LSAMP: variants seen among roughly 807,000 people sequenced by gnomAD.
The protein encoded by LSAMP is limbic system-associated membrane protein.
Under a neutral mutation model 38.6 loss-of-function variants are expected in LSAMP, and 7 were observed. The ratio of observed to expected loss-of-function variants is 0.18; its 90% CI spans 0.10 to 0.34. The LOEUF (loss-of-function observed/expected upper bound fraction) is 0.34, where lower values mean the gene tolerates loss of function less well. LSAMP is among the 10% of genes least tolerant of loss of function. LSAMP has a pLI of 1.00. For missense variants in LSAMP, 313 were observed against 420.0 expected (o/e 0.75, Z 2.23); for synonymous variants, 154 against 166.8 (o/e 0.92, Z 0.59).
chr3:115,842,164 A>G (rs978084989), intron 5 of LSAMP, among the ~76,000 whole-genome samples, 171 bp from the exon 6 acceptor site: 1 of 152,218 alleles, frequency 6.6e-6, no homozygotes, highest in Non-Finnish European at 1.5e-5. Context: ...ATCAGAATCA[A>G]TGTCCATCAA....
intron 1 of LSAMP, among the ~76,000 whole-genome samples, chr3:116,105,830 T>C (rs1708453340): frequency 6.6e-6 from 1 of 151,760 alleles, no homozygotes; most frequent in African/African-American, 2.4e-5. Flanking sequence ...TAAAACAAAA[T>C]AGTGTTGAAG....
intron 1 of LSAMP, among the ~76,000 whole-genome samples, chr3:116,280,138 T>C (rs1394267178): frequency 4.6e-5 from 7 of 152,182 alleles, no homozygotes; most frequent in Non-Finnish European, 1.0e-4. Flanking sequence ...ATTTACACCA[T>C]GAAGACAAAA....
chr3:115,856,924 A>C (rs939348147), intron 3 of LSAMP, among the ~76,000 whole-genome samples: 2 of 152,240 alleles, frequency 1.3e-5, no homozygotes, highest in African/African-American at 4.8e-5. Flanking sequence ...CACTTCATGT[A>C]GTTTAAGAGA....
intron 1 of LSAMP, among the ~76,000 whole-genome samples, chr3:116,354,290 T>C (rs2048188931): frequency 6.6e-6 from 1 of 152,134 alleles, no homozygotes; most frequent in African/African-American, 2.4e-5. Context: ...GGTCAGACAC[T>C]TCTATGCAAA....
chr3:116,090,570 A>G (rs1380320844), intron 1 of LSAMP, among the ~76,000 whole-genome samples: 1 of 152,178 alleles, frequency 6.6e-6, no homozygotes, highest in South Asian at 2.1e-4. Context: ...CTTTATACTT[A>G]ATGATTTTGT....
At chr3:116,095,182 T>C (rs973238994) in intron 1 of LSAMP, among the ~76,000 whole-genome samples, 1 of 152,210 alleles carries the variant, frequency 6.6e-6, no homozygotes, top group African/African-American at 2.4e-5. Context: ...GTTATTCACA[T>C]GTGCTCTACT....
intron 2 of LSAMP, among the ~76,000 whole-genome samples, chr3:116,052,476 A>G (rs1941414158): frequency 6.6e-6 from 1 of 152,208 alleles, no homozygotes; most frequent in South Asian, 2.1e-4. Context: ...TATAAAATTT[A>G]TATTTTTAAT....
chr3:115,896,223 A>G (rs1032927966), intron 3 of LSAMP, among the ~76,000 whole-genome samples: 1 of 152,114 alleles, frequency 6.6e-6, no homozygotes, highest in Non-Finnish European at 1.5e-5. Flanking sequence ...AAATAAATCC[A>G]GTTCTTAGGA....
chr3:116,003,071 G>A (rs1023179063), intron 3 of LSAMP, among the ~76,000 whole-genome samples: 2 of 152,080 alleles, frequency 1.3e-5, no homozygotes, highest in African/African-American at 4.8e-5. Context: ...GAGCTTAGCA[G>A]GGCAGGTACC....
chr3:116,296,847 T>G (rs2047341820), intron 1 of LSAMP, among the ~76,000 whole-genome samples: 2 of 151,708 alleles, frequency 1.3e-5, no homozygotes, highest in South Asian at 4.1e-4. Flanking sequence ...TCTGCAACCA[T>G]GAAAGAACAT....
At chr3:116,017,337 A>G (rs1940511320) in intron 3 of LSAMP, among the ~76,000 whole-genome samples, 1 of 152,164 alleles carries the variant, frequency 6.6e-6, no homozygotes, top group Non-Finnish European at 1.5e-5. Context: ...TTATTTGATT[A>G]TAACTTGAAT....
At position 116,086,572 on chromosome 3, in the gene LSAMP, A is replaced by G. The variant is rs184797314; in HGVS notation, c.156-16T>C. 1.5e-4 allele frequency: 243 copies of G among 1,598,502 alleles called. 1 individual carries two copies. The East Asian group carries it at 4.8e-3, about 32-fold the overall frequency. ...TACAACGCACCTGACAGAGCAGAGTAACAATATTAGTGCCTTAACAACAAC... is the reference window on the plus strand; with the variant it reads ...TACAACGCACCTGACAGAGCAGAGTGACAATATTAGTGCCTTAACAACAAC... On this transcript the variant is annotated splice_polypyrimidine_tract_variant and intron_variant, in intron 1 of 6. Transcript: ENST00000490035.
intron 3 of LSAMP, among the ~76,000 whole-genome samples, chr3:115,887,400 A>C (rs1375227335): frequency 3.3e-5 from 5 of 152,006 alleles, no homozygotes; most frequent in African/African-American, 9.7e-5. Context: ...AACTAGCAAT[A>C]ACAAAGTTCT....
At chr3:115,813,522 T>C (rs965019291) in intron 6 of LSAMP, among the ~76,000 whole-genome samples, 2 of 152,158 alleles carry the variant, frequency 1.3e-5, no homozygotes, top group African/African-American at 2.4e-5. Flanking sequence ...TTGAAACTTA[T>C]TTTGTGCATC....
At chr3:115,914,169 A>G (rs1937195466) in intron 3 of LSAMP, among the ~76,000 whole-genome samples, 3 of 152,192 alleles carry the variant, frequency 2.0e-5, no homozygotes, top group Non-Finnish European at 2.9e-5. Context: ...ACCAAACTTT[A>G]GTCAAGCTCC....
chr3:115,804,085 C>T lies in LSAMP; in HGVS notation c.*6232G>A, dbSNP rs1181676378. On this transcript the variant is annotated 3_prime_UTR_variant, in exon 7 of 7. Transcript: ENST00000490035. The stretch of plus-strand genomic sequence containing the variant: ...TTAGTGTAATTTGAATGTGTCCCTT[C>T]TCTACACTGCTATAAAGTTTTGATC... 1.3e-5 allele frequency: 2 copies of T among 152,184 alleles called. No homozygotes were observed. The highest frequency in any genetic ancestry group is 6.6e-5 in the Admixed American group (1 of 15,264). The allele number at this position is 152,184 out of a possible 1,614,324, so 9.4% of individuals were successfully genotyped here. A position where few individuals can be genotyped will look rare whatever the true frequency, so the allele number is the denominator to read the frequency against.
chr3:116,288,177 A>T (rs2107690281), intron 1 of LSAMP, among the ~76,000 whole-genome samples: 1 of 152,262 alleles, frequency 6.6e-6, no homozygotes, highest in South Asian at 2.1e-4. Context: ...AGTAAGAAAA[A>T]AATGCAAACT....
intron 1 of LSAMP, among the ~76,000 whole-genome samples, chr3:116,317,476 C>G (rs2047647177): frequency 6.6e-6 from 1 of 152,046 alleles, no homozygotes; most frequent in Non-Finnish European, 1.5e-5. Flanking sequence ...CTGCCTCAGC[C>G]TCCCGAGTAG....
At chr3:116,034,379 G>A (rs947953637) in intron 2 of LSAMP, among the ~76,000 whole-genome samples, 1 of 152,072 alleles carries the variant, frequency 6.6e-6, no homozygotes, top group African/African-American at 2.4e-5. Context: ...AGGAAAGGGC[G>A]AGCTGCTCCC....
Sources: gnomAD v4.1 joint callset for allele counts (sites outside exome capture counted in the v4.1 genomes callset) on GRCh38, gnomAD v4.1.1 for gene constraint, MANE v1.5 for transcripts, NCBI Gene and HGNC (gene_info 2026-07-23, HGNC 2026-07-21) for gene names.